The following PDE4B variants were observed in gnomAD, a reference collection of about 807,000 sequenced individuals.
PDE4B encodes the protein phosphodiesterase 4B.
Under a neutral mutation model 82.2 loss-of-function variants are expected in PDE4B, and 20 were observed. The ratio of observed to expected loss-of-function variants is 0.24; its 90% CI spans 0.17 to 0.35. The LOEUF (loss-of-function observed/expected upper bound fraction) is 0.35, where lower values mean the gene tolerates loss of function less well. PDE4B is among the 10% of genes least tolerant of loss of function. The pLI is 1.00. For missense variants in PDE4B, 655 were observed against 907.2 expected (o/e 0.72, Z 3.57); for synonymous variants, 320 against 318.9 (o/e 1.00, Z -0.04).
At chr1:65,926,486 C>T (rs1647508656) in intron 3 of PDE4B, among the ~76,000 whole-genome samples, 1 of 152,072 alleles carries the variant, frequency 6.6e-6, no homozygotes, top group Non-Finnish European at 1.5e-5. Flanking sequence ...CTACTGGGAC[C>T]TATTTCTTTG....
chr1:65,860,884 T>A (rs1476161721), intron 1 of PDE4B, among the ~76,000 whole-genome samples: 1 of 152,240 alleles, frequency 6.6e-6, no homozygotes, highest in African/African-American at 2.4e-5. Context: ...ACCCACTTTT[T>A]GATGGGGACA....
intron 3 of PDE4B, among the ~76,000 whole-genome samples, chr1:66,187,427 C>T (rs1254901760): frequency 1.3e-5 from 2 of 152,078 alleles, no homozygotes; most frequent in South Asian, 2.1e-4. Context: ...CCTCCTTGTA[C>T]CTCTGGTAGA....
chr1:65,806,163 T>C (rs1470581730), intron 1 of PDE4B, among the ~76,000 whole-genome samples: 2 of 152,192 alleles, frequency 1.3e-5, no homozygotes, highest in African/African-American at 4.8e-5. Flanking sequence ...AACATTCTAT[T>C]GACACCTTCT....
intron 1 of PDE4B, among the ~76,000 whole-genome samples, chr1:65,899,905 T>C (rs1646952595): frequency 6.6e-6 from 1 of 151,844 alleles, no homozygotes; most frequent in South Asian, 2.1e-4. Flanking sequence ...GGGTGAGGGA[T>C]AAAAGACTAC....
chr1:66,331,695 C>T (rs1255190830), intron 7 of PDE4B: 21 of 964,764 alleles, frequency 2.2e-5, no homozygotes, highest in East Asian at 2.3e-4. Context: ...CCTGAAAGTC[C>T]GGTTCAGAAT....
intron 3 of PDE4B, among the ~76,000 whole-genome samples, chr1:66,148,245 G>A (rs1230557923): frequency 6.6e-6 from 1 of 152,054 alleles, no homozygotes; most frequent in Non-Finnish European, 1.5e-5. Context: ...ACTTCAGCTT[G>A]TGTGATAGAG....
intron 1 of PDE4B, among the ~76,000 whole-genome samples, chr1:65,861,796 T>C (rs1368341265): frequency 6.6e-6 from 1 of 152,188 alleles, no homozygotes; most frequent in Non-Finnish European, 1.5e-5. Flanking sequence ...AGGTATTTTA[T>C]TCTCTTTGTA....
intron 3 of PDE4B, among the ~76,000 whole-genome samples, chr1:65,934,118 C>G (rs1045313214): frequency 6.6e-6 from 1 of 151,636 alleles, no homozygotes; most frequent in African/African-American, 2.4e-5. Context: ...ATAGAAGATA[C>G]AAAAAAGGAA....
At chr1:66,329,017 A>G (rs765180078) in intron 7 of PDE4B, among the ~76,000 whole-genome samples, 1 of 152,146 alleles carries the variant, frequency 6.6e-6, no homozygotes, top group Non-Finnish European at 1.5e-5. Flanking sequence ...GAAGGGAGAA[A>G]TACCTAATTC....
chr1:66,257,743 G>C, intron 5 of PDE4B, 50 bp from the exon 6 acceptor site: 1 of 1,605,484 alleles, frequency 6.2e-7, no homozygotes, highest in Non-Finnish European at 8.5e-7. Context: ...GTCTGAACCT[G>C]GCCATTTGTC....
At chr1:66,083,921 T>C (rs1253574417) in intron 3 of PDE4B, among the ~76,000 whole-genome samples, 4 of 152,186 alleles carry the variant, frequency 2.6e-5, no homozygotes, top group Non-Finnish European at 5.9e-5. Flanking sequence ...TGTAGGTATA[T>C]TAAGCATGAA....
intron 3 of PDE4B, among the ~76,000 whole-genome samples, chr1:66,153,496 G>GT (rs955769284): frequency 9.2e-5 from 14 of 151,856 alleles, no homozygotes; most frequent in Non-Finnish European, 1.6e-4. Flanking sequence ...TTTTTGTTTT[G>GT]TTTTGTCTTG....
At chr1:66,351,539 A>G (rs951086729) in intron 8 of PDE4B, among the ~76,000 whole-genome samples, 9 of 152,156 alleles carry the variant, frequency 5.9e-5, no homozygotes, top group African/African-American at 2.2e-4. Context: ...GGTCTGAAGC[A>G]TTTTCAATTT....
intron 3 of PDE4B, among the ~76,000 whole-genome samples, chr1:65,976,971 G>A (rs115413713): frequency 6.6e-6 from 1 of 152,312 alleles, no homozygotes; most frequent in African/African-American, 2.4e-5. Context: ...CTTGACACAT[G>A]TGATAGGATC....
rs143754116 is a variant in PDE4B, at chr1:66,128,744, C to T, written c.282-118716C>T. Among the ~76,000 whole-genome samples the T allele has an allele frequency of 8.3e-3, 1,265 of 152,206 alleles. 15 individuals are homozygous for T. Among genetic ancestry groups the T allele is most frequent in the African/African-American group, 0.028 (1,173 of 41,528 alleles). ...TTAATGGACTCACAGTTCCACATGGCTAGGGAGGTCTCACAATCATGGCAG... is the reference window on the plus strand; with the variant it reads ...TTAATGGACTCACAGTTCCACATGGTTAGGGAGGTCTCACAATCATGGCAG... On this transcript the variant is annotated intron_variant, in intron 3 of 16. Coordinates refer to ENST00000341517, the MANE Select transcript of PDE4B (RefSeq NM_002600.4).
At chr1:65,994,191 T>G (rs531018500) in intron 3 of PDE4B, among the ~76,000 whole-genome samples, 3 of 152,294 alleles carry the variant, frequency 2.0e-5, no homozygotes, top group South Asian at 4.1e-4. Context: ...AAAATTAATA[T>G]TCACTTGAAT....
chr1:65,956,850 G>A (rs1409253502), intron 3 of PDE4B, among the ~76,000 whole-genome samples: 1 of 152,032 alleles, frequency 6.6e-6, no homozygotes, highest in Admixed American at 6.6e-5. Context: ...ATTTTTGAAA[G>A]TGATTGAAAA....
At chr1:66,285,258 C>A (rs1461510828) in intron 7 of PDE4B, among the ~76,000 whole-genome samples, 1 of 152,190 alleles carries the variant, frequency 6.6e-6, no homozygotes, top group African/African-American at 2.4e-5. Flanking sequence ...CTACACAACA[C>A]AAATTGAAGA....
At chr1:65,882,568 A>G (rs1646720507) in intron 1 of PDE4B, among the ~76,000 whole-genome samples, 1 of 152,212 alleles carries the variant, frequency 6.6e-6, no homozygotes, top group African/African-American at 2.4e-5. Context: ...TATGCAGTCA[A>G]TAACCATTAT....
Sources: allele counts gnomAD v4.1 joint callset (sites outside exome capture counted in the v4.1 genomes callset), GRCh38; gene constraint gnomAD v4.1.1; transcripts MANE v1.5; gene names NCBI Gene and HGNC (gene_info 2026-07-23, HGNC 2026-07-21).